Variants in MYLK3 observed in about 807,000 individuals in gnomAD.
MYLK3 encodes the protein myosin light chain kinase 3, also known as MLC kinase.
In MYLK3, 55 loss-of-function variants were observed where a neutral mutation model predicts 76.3. The ratio of observed to expected loss-of-function variants is 0.72; its 90% CI spans 0.58 to 0.90. The LOEUF (loss-of-function observed/expected upper bound fraction) is 0.90. Ranked by LOEUF, MYLK3 falls within the 40% of genes least tolerant of loss-of-function variation. The pLI is 0.00. For synonymous variants in MYLK3, 416 were observed against 425.4 expected, an observed-to-expected ratio of 0.98 and a Z score of 0.27; for missense variants, 973 against 1,053.6, an observed-to-expected ratio of 0.92 and a Z score of 1.06.
intron 2 of MYLK3, among the ~76,000 whole-genome samples, chr16:46,739,012 TG>T (rs1456204813): frequency 1.3e-5 from 2 of 152,196 alleles, no homozygotes; most frequent in East Asian, 3.9e-4. Context: ...AGTTAATTTT[TG>T]TATTTTTAGT....
chr16:46,750,532 G>T (rs1967109681), upstream of MYLK3, among the ~76,000 whole-genome samples: 1 of 152,084 alleles, frequency 6.6e-6, no homozygotes, highest in Non-Finnish European at 1.5e-5. Flanking sequence ...CGTCTCTACT[G>T]AAAATACAAA....
intron 3 of MYLK3, among the ~76,000 whole-genome samples, chr16:46,733,791 G>T (rs1966857733): frequency 6.6e-6 from 1 of 152,202 alleles, no homozygotes; most frequent in Non-Finnish European, 1.5e-5. Context: ...CGGGGACTGA[G>T]TCTCAGCAGG....
Position 46,729,031 on chromosome 16 carries a change from TG to T in MYLK3, c.1764del (p.Met589TrpfsTer20). On this transcript the variant is annotated frameshift_variant, in exon 7 of 13. Transcript: ENST00000394809. LOFTEE classifies it high-confidence loss of function. ...CCCGCCTCTGATACTCACTACTCCA[TG>T]ACAAGGGTGCAGCTGTGCTTGCTCT... is the stretch of plus-strand genomic sequence containing the variant. ...AFESKHSCTL[V>X]MEYVDGGELF... 1 of 1,613,808 alleles carries T rather than the reference TG, an allele frequency of 6.2e-7. No individual in the cohort carries two copies. The highest frequency in any genetic ancestry group is 8.5e-7 in the Non-Finnish European group (1 of 1,179,662).
upstream of MYLK3, among the ~76,000 whole-genome samples, chr16:46,750,477 C>T (rs1235260824): frequency 1.3e-5 from 2 of 152,194 alleles, no homozygotes; most frequent in Non-Finnish European, 2.9e-5. Context: ...AAATGGATCA[C>T]GAGGTCAAGA....
Position 46,707,434 on chromosome 16 carries a change from C to G in MYLK3, c.*270G>C. 1 of 377,896 alleles carries G rather than the reference C, an allele frequency of 2.6e-6. No individual in the cohort carries two copies. The highest frequency in any genetic ancestry group is 4.7e-6 in the Non-Finnish European group (1 of 210,870). The allele number at this position is 377,896 out of a possible 1,614,324, so 23.4% of individuals were successfully genotyped here. A position where few individuals can be genotyped will look rare whatever the true frequency, so the allele number is the denominator to read the frequency against. ...GATGCAAAGTACCTACCTAAAGCATCCCTACACTTACCACCAAAAGTAGGT... is the reference window on the plus strand; with the variant it reads ...GATGCAAAGTACCTACCTAAAGCATGCCTACACTTACCACCAAAAGTAGGT... On this transcript the variant is annotated 3_prime_UTR_variant, in exon 13 of 13. Coordinates refer to ENST00000394809, the MANE Select transcript of MYLK3 (RefSeq NM_182493.3).
chr16:46,710,579 C>T, intron 11 of MYLK3, 58 bp downstream of exon 11: 1 of 1,594,616 alleles, frequency 6.3e-7, no homozygotes. Flanking sequence ...TCCTGCCCAG[C>T]TCCCAGACCT....
chr16:46,728,272 T>C (rs570786111), intron 7 of MYLK3, among the ~76,000 whole-genome samples: 1 of 152,224 alleles, frequency 6.6e-6, no homozygotes, highest in South Asian at 2.1e-4. Flanking sequence ...TCACCCTGTA[T>C]ACAAACAGCA....
chr16:46,719,028 A>T (rs1398983601), intron 9 of MYLK3, among the ~76,000 whole-genome samples: 1 of 150,676 alleles, frequency 6.6e-6, no homozygotes, highest in Non-Finnish European at 1.5e-5. Flanking sequence ...TGAAAGACCT[A>T]CCTGGAAGAT....
At chr16:46,760,305 C>T (rs750012620) in intron 1 of MYLK3, among the ~76,000 whole-genome samples, 1 of 152,310 alleles carries the variant, frequency 6.6e-6, no homozygotes, top group East Asian at 1.9e-4. Context: ...AGCTTTGGGA[C>T]CCCACCTCAC....
At chr16:46,726,675 G>GAGAAAGAAAGAGAA (rs1966841459) in intron 8 of MYLK3, 1 of 46,554 alleles carries the variant, frequency 2.1e-5, no homozygotes, top group African/African-American at 5.9e-5. Context: ...AAGAAAGAAA[G>GAGAAAGAAAGAGAA]AGAAAGAAAG....
At chr16:46,729,535 A>G in intron 6 of MYLK3, 59 bp downstream of exon 6, 1 of 1,488,136 alleles carries the variant, frequency 6.7e-7, no homozygotes, top group Non-Finnish European at 9.4e-7. Context: ...GGGGGCCCTG[A>G]GGGAAGGAAA....
chr16:46,753,405 G>A (rs555737434), intron 1 of MYLK3, among the ~76,000 whole-genome samples: 13 of 152,240 alleles, frequency 8.5e-5, no homozygotes, highest in South Asian at 4.1e-4. Context: ...CCTCAGGAGC[G>A]TCCCACCTGA....
chr16:46,747,927 C>T lies in MYLK3; in HGVS notation c.267G>A (p.Gly89=). 1.2e-6 allele frequency: 2 copies of T among 1,613,642 alleles called. No individual in the cohort carries two copies. The highest frequency in any genetic ancestry group is 1.7e-6 in the Non-Finnish European group (2 of 1,179,880). Residue 89 remains glycine (G), a synonymous_variant, in exon 1 of 13, where the codon GGG becomes GGA. Transcript: ENST00000394809. ...TCACCAGCTCCAGGACCTCGGGCCA[C>T]CCAGCCTGGGTGTCAATGTGGGGAA... ...DGVPHIDTQA[G]WPEVLELVRA...
intron 11 of MYLK3, 44 bp from the exon 12 acceptor site, chr16:46,709,715 T>G (rs1156732231): frequency 1.9e-6 from 3 of 1,595,868 alleles, no homozygotes; most frequent in East Asian, 2.2e-5. Context: ...TGGAGTTGCC[T>G]TTTCTCATCC....
At chr16:46,745,110 T>C (rs1316649600) in intron 1 of MYLK3, among the ~76,000 whole-genome samples, 2 of 152,328 alleles carry the variant, frequency 1.3e-5, no homozygotes, top group South Asian at 2.1e-4. Context: ...GGAGACTGAT[T>C]TGGAGTAACT....
At chr16:46,749,708 C>T (rs1967094740), upstream of MYLK3, among the ~76,000 whole-genome samples, 1 of 152,212 alleles carries the variant, frequency 6.6e-6, no homozygotes, top group Non-Finnish European at 1.5e-5. Context: ...ACACTCCAGC[C>T]TGGCCAACAG....
intron 8 of MYLK3, among the ~76,000 whole-genome samples, chr16:46,723,029 AT>A (rs1042053555): frequency 6.6e-6 from 1 of 152,042 alleles, no homozygotes; most frequent in African/African-American, 2.4e-5. Context: ...CGATTCAATT[AT>A]TTTTAGTATA....
At chr16:46,746,142 T>C (rs1174259771) in intron 1 of MYLK3, among the ~76,000 whole-genome samples, 5 of 152,218 alleles carry the variant, frequency 3.3e-5, no homozygotes, top group East Asian at 1.9e-4. Flanking sequence ...TAAAATGTCA[T>C]GGTATTTGCA....
At chr16:46,732,765 AT>A in intron 3 of MYLK3, 97 bp from the exon 4 acceptor site, 2 of 1,024,292 alleles carry the variant, frequency 2.0e-6, no homozygotes, top group Non-Finnish European at 2.7e-6. Flanking sequence ...ATCATTGACA[AT>A]GGCCCTGGGG....
Sources: allele counts gnomAD v4.1 joint callset (sites outside exome capture counted in the v4.1 genomes callset), GRCh38; gene constraint gnomAD v4.1.1; transcripts MANE v1.5; gene names NCBI Gene and HGNC (gene_info 2026-07-23, HGNC 2026-07-21).